AOPEP: variants seen among roughly 807,000 people sequenced by gnomAD.
AOPEP encodes the protein aminopeptidase O.
A neutral mutation model predicts 98.1 loss-of-function variants in AOPEP; 77 were observed. The observed-to-expected ratio is 0.78, with a 90% CI of 0.65 to 0.95. The LOEUF (loss-of-function observed/expected upper bound fraction) is 0.95, where lower values mean the gene tolerates loss of function less well. Among genes scored for constraint, AOPEP ranks in the 40% least tolerant of loss-of-function variants. The pLI is 0.00. For synonymous variants in AOPEP, 346 were observed against 365.3 expected (o/e 0.95, Z 0.60); for missense variants, 1,024 against 1,024.7 (o/e 1.00, Z 0.01).
chr9:94,990,695 G>C (rs1242957902), intron 11 of AOPEP, among the ~76,000 whole-genome samples: 1 of 151,920 alleles, frequency 6.6e-6, no homozygotes, highest in Non-Finnish European at 1.5e-5. Flanking sequence ...CGTGATCTCG[G>C]CTCACTGCAA....
At chr9:95,030,426 G>T (rs1482495011) in intron 13 of AOPEP, among the ~76,000 whole-genome samples, 2 of 152,220 alleles carry the variant, frequency 1.3e-5, no homozygotes, top group Admixed American at 6.5e-5. Flanking sequence ...CATTGACCAT[G>T]AGTACTGGAA....
chr9:94,904,779 A>G (rs780618112), intron 5 of AOPEP: 2 of 152,244 alleles, frequency 1.3e-5, no homozygotes, highest in African/African-American at 2.4e-5. Flanking sequence ...TACTAGAATC[A>G]TAGCACGTAT....
chr9:94,932,889 C>A, intron 7 of AOPEP: 1 of 985,376 alleles, frequency 1.0e-6, no homozygotes, highest in Non-Finnish European at 1.2e-6. Context: ...ATTTTCCTAG[C>A]CTTCTCAGCC....
intron 2 of AOPEP, chr9:94,763,498 G>A (rs1019832205): frequency 6.1e-6 from 1 of 164,622 alleles, no homozygotes; most frequent in Non-Finnish European, 1.3e-5. Context: ...GTGTGTGTGT[G>A]TTTGTGTATA....
chr9:94,937,107 C>T (rs889669031), intron 7 of AOPEP, among the ~76,000 whole-genome samples: 6 of 152,204 alleles, frequency 3.9e-5, no homozygotes, highest in African/African-American at 1.2e-4. Flanking sequence ...GTCCCCTCCC[C>T]GGAGATTGGG....
intron 5 of AOPEP, among the ~76,000 whole-genome samples, chr9:94,847,193 C>G (rs1213521235): frequency 6.6e-6 from 1 of 152,124 alleles, no homozygotes; most frequent in Non-Finnish European, 1.5e-5. Context: ...CTCTGTCTCT[C>G]TCTCTCTCTC....
At chr9:95,130,299 T>TGTGA in the AOPEP span, among the ~76,000 whole-genome samples, 151 of 149,274 alleles carry the variant, frequency 1.0e-3, 1 homozygote, top group Middle Eastern at 3.5e-3. Flanking sequence ...TGTGTGTGTG[T>TGTGA]GAGAGAGAGA....
intron 7 of AOPEP, among the ~76,000 whole-genome samples, chr9:94,954,784 T>C (rs2058343493): frequency 6.6e-6 from 1 of 152,202 alleles, no homozygotes; most frequent in Non-Finnish European, 1.5e-5. Context: ...GTGGATAACA[T>C]TGAGGCTTTC....
intron 5 of AOPEP, chr9:94,810,079 A>G (rs564268100): frequency 1.3e-5 from 2 of 156,082 alleles, no homozygotes; most frequent in Non-Finnish European, 2.9e-5. Flanking sequence ...GAAGGTCAGG[A>G]AGAGGCTGGA....
the AOPEP span, chr9:95,126,730 C>T: frequency 2.7e-6 from 2 of 746,896 alleles, no homozygotes; most frequent in Non-Finnish European, 4.7e-6. Context: ...CACTGCTGTA[C>T]TGAAAACGCC....
At chr9:95,100,396 A>G in the AOPEP span, 10 of 231,458 alleles carry the variant, frequency 4.3e-5, no homozygotes, top group East Asian at 5.5e-4. Flanking sequence ...ACATACCAAA[A>G]TAAGGAATTT....
intron 10 of AOPEP, among the ~76,000 whole-genome samples, chr9:94,976,469 T>C (rs2059846893): frequency 6.6e-6 from 1 of 152,160 alleles, no homozygotes; most frequent in South Asian, 2.1e-4. Flanking sequence ...AAAATAGCAA[T>C]TAAGTCGCTC....
chr9:94,879,444 G>A (rs567836404), intron 5 of AOPEP, among the ~76,000 whole-genome samples: 1 of 152,250 alleles, frequency 6.6e-6, no homozygotes, highest in Admixed American at 6.5e-5. Flanking sequence ...GAAGACTGAG[G>A]GTGATAAAGG....
intron 5 of AOPEP, among the ~76,000 whole-genome samples, chr9:94,861,902 G>T (rs1414714414): frequency 6.6e-6 from 1 of 152,160 alleles, no homozygotes; most frequent in Non-Finnish European, 1.5e-5. Context: ...CTTTCATGAG[G>T]CTAGACGGTG....
In AOPEP at chr9:94,864,460, C is replaced by T. The variant is rs11999330; in HGVS notation, c.1365-59526C>T. Among the ~76,000 whole-genome samples the T allele has an allele frequency of 7.9e-3, 1,201 of 152,176 alleles. 4 individuals are homozygous for T. The highest frequency in any genetic ancestry group is 0.017 in the African/African-American group (695 of 41,534). Reference sequence around the variant, plus strand: ...GAGTTTTTTAGAGGGGAAAAAAATGCGTTAAAAATTGCTTTGCTGGACCAT... The same window carrying T: ...GAGTTTTTTAGAGGGGAAAAAAATGTGTTAAAAATTGCTTTGCTGGACCAT... On this transcript the variant is annotated intron_variant, in intron 5 of 16. Transcript: ENST00000375315.
At chr9:95,071,409 T>C (rs1431394412) in intron 14 of AOPEP, among the ~76,000 whole-genome samples, 1 of 152,092 alleles carries the variant, frequency 6.6e-6, no homozygotes, top group Admixed American at 6.5e-5. Context: ...AAAAGTGAAT[T>C]TGACATGAAT....
At chr9:95,112,210 G>A in the AOPEP span, among the ~76,000 whole-genome samples, 1 of 152,224 alleles carries the variant, frequency 6.6e-6, no homozygotes, top group African/African-American at 2.4e-5. Flanking sequence ...GGTAGAATTT[G>A]CTTGAGATAA....
At chr9:95,125,598 G>C in the AOPEP span, among the ~76,000 whole-genome samples, 17 of 152,228 alleles carry the variant, frequency 1.1e-4, no homozygotes, top group Non-Finnish European at 2.2e-4. Flanking sequence ...TGTGTACCTG[G>C]TTTCGCTTCC....
intron 13 of AOPEP, among the ~76,000 whole-genome samples, chr9:95,024,671 G>C (rs766187740): frequency 2.0e-5 from 3 of 152,146 alleles, no homozygotes; most frequent in Non-Finnish European, 4.4e-5. Context: ...GGAGAATGTT[G>C]GTATGGAGAA....
Sources: allele counts gnomAD v4.1 joint callset (sites outside exome capture counted in the v4.1 genomes callset), GRCh38; gene constraint gnomAD v4.1.1; transcripts MANE v1.5; gene names NCBI Gene and HGNC (gene_info 2026-07-23, HGNC 2026-07-21).